BCKDHB: variants seen among roughly 807,000 people sequenced by gnomAD.
The protein encoded by BCKDHB is 2-oxoisovalerate dehydrogenase subunit beta, mitochondrial.
In BCKDHB, 41 loss-of-function variants were observed where a neutral mutation model predicts 48.5. The observed-to-expected ratio is 0.85, with a 90% CI of 0.66 to 1.10. The LOEUF (loss-of-function observed/expected upper bound fraction) is 1.10. BCKDHB is among the 50% of genes least tolerant of loss of function. The pLI is 0.00. For synonymous variants in BCKDHB, 201 were observed against 174.8 expected (o/e 1.15, Z -1.18); for missense variants, 496 against 494.2 (o/e 1.00, Z -0.03).
chr6:80,348,788 A>G (rs983795768), downstream of BCKDHB, among the ~76,000 whole-genome samples: 3 of 152,320 alleles, frequency 2.0e-5, no homozygotes, highest in Admixed American at 6.5e-5. Flanking sequence ...CTCCAGGGCA[A>G]CATGAGATTT....
the BCKDHB span, among the ~76,000 whole-genome samples, chr6:80,390,606 A>G: frequency 6.6e-6 from 1 of 152,174 alleles, no homozygotes; most frequent in South Asian, 2.1e-4. Flanking sequence ...ACTTTATGTA[A>G]TAGCATTTGG....
downstream of BCKDHB, among the ~76,000 whole-genome samples, chr6:80,348,929 G>A (rs1468647168): frequency 1.3e-5 from 2 of 152,142 alleles, no homozygotes. Context: ...TACCAGAAAA[G>A]TTGGAAATAA....
intron 3 of BCKDHB, among the ~76,000 whole-genome samples, chr6:80,151,986 T>G (rs1430392717): frequency 1.3e-5 from 2 of 152,170 alleles, no homozygotes; most frequent in Admixed American, 1.3e-4. Flanking sequence ...AACATCTCAT[T>G]TCCATATAAA....
chr6:80,261,754 A>G (rs1471246982), intron 8 of BCKDHB, among the ~76,000 whole-genome samples: 1 of 152,138 alleles, frequency 6.6e-6, no homozygotes, highest in African/African-American at 2.4e-5. Context: ...TTGAGAGTAC[A>G]CAGTGGTTGC....
intron 6 of BCKDHB, among the ~76,000 whole-genome samples, chr6:80,187,949 C>G (rs1183279665): frequency 1.3e-5 from 2 of 152,120 alleles, no homozygotes; most frequent in Non-Finnish European, 2.9e-5. Context: ...AAAAGAATTA[C>G]CATTCAACCC....
At position 80,299,929 on chromosome 6, in the gene BCKDHB, C is replaced by T. The variant is rs553769791; in HGVS notation, c.1038+26708C>T. 1.4e-4 allele frequency among the ~76,000 whole-genome samples: 22 copies of T among 152,076 alleles called. No individual in the cohort carries two copies. The South Asian group carries it at 2.9e-3, about 20-fold the overall frequency. Reference sequence around the variant, plus strand: ...TGGCAGGCTTGATATAAAGACAAGACGAAAGCATCTGTTGTCTTCAGTAGA... The same window carrying T: ...TGGCAGGCTTGATATAAAGACAAGATGAAAGCATCTGTTGTCTTCAGTAGA... On this transcript the variant is annotated intron_variant, in intron 9 of 9. Transcript: ENST00000320393.
the BCKDHB span, among the ~76,000 whole-genome samples, chr6:80,457,762 C>G: frequency 2.0e-5 from 3 of 152,106 alleles, no homozygotes; most frequent in African/African-American, 7.2e-5. Context: ...TATTTGTGGC[C>G]CTCTTATGGC....
At chr6:80,451,726 C>G in the BCKDHB span, among the ~76,000 whole-genome samples, 1 of 144,340 alleles carries the variant, frequency 6.9e-6, no homozygotes, top group Non-Finnish European at 1.5e-5. Flanking sequence ...GAGACTCTGT[C>G]TCAAAAGAAA....
At chr6:80,262,186 C>T (rs1343589166) in intron 8 of BCKDHB, among the ~76,000 whole-genome samples, 3 of 152,136 alleles carry the variant, frequency 2.0e-5, no homozygotes, top group Non-Finnish European at 2.9e-5. Context: ...ATTAGTGAAG[C>T]AGTATGCAAC....
At chr6:80,448,433 G>C in the BCKDHB span, among the ~76,000 whole-genome samples, 4 of 152,146 alleles carry the variant, frequency 2.6e-5, no homozygotes, top group Non-Finnish European at 5.9e-5. Flanking sequence ...AAAGCAAGGG[G>C]ACCAATCAGG....
intron 6 of BCKDHB, among the ~76,000 whole-genome samples, chr6:80,183,520 A>G (rs1773507988): frequency 2.0e-5 from 3 of 152,092 alleles, no homozygotes; most frequent in Admixed American, 6.6e-5. Context: ...CTGACCTCAA[A>G]CAAGCATAGC....
At chr6:80,156,911 G>T (rs1218935699) in intron 3 of BCKDHB, among the ~76,000 whole-genome samples, 1 of 152,060 alleles carries the variant, frequency 6.6e-6, no homozygotes, top group African/African-American at 2.4e-5. Flanking sequence ...AGTTACTTTT[G>T]TATTTAATTT....
the BCKDHB span, among the ~76,000 whole-genome samples, chr6:80,401,965 T>C: frequency 4.0e-5 from 6 of 151,870 alleles, no homozygotes; most frequent in Non-Finnish European, 5.9e-5. Flanking sequence ...GCATATTGTG[T>C]CTACATATTG....
chr6:80,366,372 A>G, the BCKDHB span, among the ~76,000 whole-genome samples: 4 of 152,308 alleles, frequency 2.6e-5, no homozygotes, highest in African/African-American at 9.6e-5. Flanking sequence ...GGAAAGAAAA[A>G]ACACACCAAA....
the BCKDHB span, among the ~76,000 whole-genome samples, chr6:80,419,319 C>T: frequency 2.0e-5 from 3 of 152,134 alleles, no homozygotes; most frequent in Admixed American, 6.5e-5. Context: ...GCATAATTCA[C>T]CAGCACAGAA....
In BCKDHB at chr6:80,287,751, C is replaced by A. The variant is rs1041642699; in HGVS notation, c.1038+14530C>A. Among the ~76,000 whole-genome samples the A allele has an allele frequency of 2.3e-4, 35 of 152,122 alleles. 1 individual carries two copies. Among genetic ancestry groups the A allele is most frequent in the African/African-American group, 8.5e-4 (35 of 41,406 alleles). Reference sequence around the variant, plus strand: ...GGTGGGAATTCCTGGTGGCTCCACCCCATTCCCCCTGGACGCATGTGGGCA... The same window carrying A: ...GGTGGGAATTCCTGGTGGCTCCACCACATTCCCCCTGGACGCATGTGGGCA... On this transcript the variant is annotated intron_variant, in intron 9 of 9. Coordinates refer to ENST00000320393, the MANE Select transcript of BCKDHB (RefSeq NM_183050.4).
intron 3 of BCKDHB, among the ~76,000 whole-genome samples, chr6:80,147,547 T>C (rs564413342): frequency 6.6e-6 from 1 of 152,258 alleles, no homozygotes; most frequent in East Asian, 1.9e-4. Context: ...AGTGATTAAA[T>C]TGTAATTTAA....
intron 3 of BCKDHB, among the ~76,000 whole-genome samples, chr6:80,167,248 C>CT (rs1183219766): frequency 2.6e-5 from 4 of 150,946 alleles, no homozygotes; most frequent in Admixed American, 1.3e-4. Context: ...CTTCTTTTTT[C>CT]TTTTTTTTAA....
chr6:80,243,474 A>G (rs920878608), intron 8 of BCKDHB, among the ~76,000 whole-genome samples: 5 of 152,246 alleles, frequency 3.3e-5, no homozygotes, highest in African/African-American at 9.6e-5. Context: ...ATAAAACTAT[A>G]TTAAATTAAG....
Sources: allele counts gnomAD v4.1 joint callset (sites outside exome capture counted in the v4.1 genomes callset), GRCh38; gene constraint gnomAD v4.1.1; transcripts MANE v1.5; gene names NCBI Gene and HGNC (gene_info 2026-07-23, HGNC 2026-07-21).